The following ARHGAP44 variants were observed in gnomAD, a reference collection of about 807,000 sequenced individuals.
ARHGAP44 encodes the protein rho GTPase-activating protein 44.
In ARHGAP44, 43 loss-of-function variants were observed where a neutral mutation model predicts 106.8. The ratio of observed to expected loss-of-function variants is 0.40; its 90% CI spans 0.32 to 0.52. The LOEUF (loss-of-function observed/expected upper bound fraction) is 0.52. Among genes scored for constraint, ARHGAP44 ranks in the 20% least tolerant of loss-of-function variants. The pLI is 0.48. For missense variants in ARHGAP44, 866 were observed against 1,050.5 expected (o/e 0.82, Z 2.43); for synonymous variants, 439 against 410.3 (o/e 1.07, Z -0.85).
At chr17:12,908,279 C>G (rs1297636448) in intron 3 of ARHGAP44, among the ~76,000 whole-genome samples, 1 of 150,552 alleles carries the variant, frequency 6.6e-6, no homozygotes, top group Non-Finnish European at 1.5e-5. Context: ...TCACTGCAAC[C>G]TCTGCCTCCC....
intron 1 of ARHGAP44, among the ~76,000 whole-genome samples, chr17:12,815,129 ATT>A (rs111484599): frequency 2.0e-5 from 3 of 147,582 alleles, no homozygotes; most frequent in East Asian, 2.0e-4. Context: ...TGTTCTTTTG[ATT>A]TTTTTTTTTT....
intron 6 of ARHGAP44, among the ~76,000 whole-genome samples, chr17:12,926,493 ATATATGTATATATAT>A (rs1479872404): frequency 2.1e-5 from 3 of 142,890 alleles, no homozygotes; most frequent in East Asian, 4.2e-4. Context: ...TGTATGTATA[ATATATGTATATATAT>A]TATATATGCA....
At chr17:12,913,627 C>G (rs1392773316) in intron 4 of ARHGAP44, among the ~76,000 whole-genome samples, 2 of 130,386 alleles carry the variant, frequency 1.5e-5, no homozygotes, top group African/African-American at 5.1e-5. Flanking sequence ...TATAAGACAC[C>G]ATTAAGCTGG....
At chr17:12,930,309 C>G (rs1350290123) in intron 7 of ARHGAP44, among the ~76,000 whole-genome samples, 1 of 152,070 alleles carries the variant, frequency 6.6e-6, no homozygotes, top group Admixed American at 6.5e-5. Context: ...TCTTGGCTCA[C>G]CGCAACTTCC....
chr17:12,861,741 T>A (rs908958315), intron 1 of ARHGAP44, among the ~76,000 whole-genome samples: 2 of 146,322 alleles, frequency 1.4e-5, no homozygotes, highest in African/African-American at 5.0e-5. Flanking sequence ...TTCAAGCGAT[T>A]CTCCTGCCTC....
intron 1 of ARHGAP44, among the ~76,000 whole-genome samples, chr17:12,852,793 G>A (rs370900915): frequency 2.0e-5 from 3 of 151,856 alleles, no homozygotes; most frequent in East Asian, 3.9e-4. Flanking sequence ...CGCCCACCTC[G>A]GCTTCCCAAA....
chr17:12,789,837 C>T lies in ARHGAP44; in HGVS notation c.-2C>T. ...CCGGGCTAGCGCGGCAGCGGGGCCA[C>T]GATGAAGAAGCAGTTCAATCGCATG... On this transcript the variant is annotated 5_prime_UTR_variant, in exon 1 of 21. The change creates a new upstream start codon in the 5' untranslated region. Coordinates refer to ENST00000379672, the MANE Select transcript of ARHGAP44 (RefSeq NM_014859.6). 1.3e-6 allele frequency: 2 copies of T among 1,511,138 alleles called. No individual in the cohort carries two copies. Among genetic ancestry groups the T allele is most frequent in the Non-Finnish European group, 1.8e-6 (2 of 1,132,148 alleles). The allele number at this position is 1,511,138 out of a possible 1,614,324, so 93.6% of individuals were successfully genotyped here.
intron 8 of ARHGAP44, 70 bp downstream of exon 8, chr17:12,941,194 A>C (rs2038699992): frequency 7.0e-7 from 1 of 1,419,366 alleles, no homozygotes. Context: ...CATGGAATTA[A>C]GAGTCCCTTA....
chr17:12,978,906 C>T (rs1335046108), intron 18 of ARHGAP44, among the ~76,000 whole-genome samples: 1 of 152,162 alleles, frequency 6.6e-6, no homozygotes, highest in Non-Finnish European at 1.5e-5. Context: ...CCAGGCTGGT[C>T]TCAAACTCCT....
intron 20 of ARHGAP44, chr17:12,987,251 A>G: frequency 3.8e-6 from 4 of 1,060,022 alleles, no homozygotes; most frequent in Non-Finnish European, 4.0e-6. Flanking sequence ...GGCTCAGACC[A>G]TTTGCATGGC....
chr17:12,907,960 T>C (rs1051471674), intron 3 of ARHGAP44, among the ~76,000 whole-genome samples: 1 of 139,534 alleles, frequency 7.2e-6, no homozygotes, highest in Admixed American at 6.9e-5. Flanking sequence ...CCAATCCTTA[T>C]TTTTTTTTTG....
chr17:12,814,850 C>CA (rs1231281517), intron 1 of ARHGAP44, among the ~76,000 whole-genome samples: 1 of 152,090 alleles, frequency 6.6e-6, no homozygotes, highest in Non-Finnish European at 1.5e-5. Flanking sequence ...AAAAAAACCC[C>CA]AAAAAACCCC....
rs749393196 is a variant in ARHGAP44, at chr17:12,949,519, T to TA, written c.974-129dup. 1.2e-6 allele frequency: 1 copy of TA among 834,672 alleles called. No homozygotes were observed. The highest frequency in any genetic ancestry group is 1.9e-6 in the Non-Finnish European group (1 of 528,908). 51.7% of individuals were successfully genotyped at this position (834,672 alleles called of 1,614,324 possible). A position where few individuals can be genotyped will look rare whatever the true frequency, so the allele number is the denominator to read the frequency against. On this transcript the variant is annotated intron_variant, in intron 11 of 20. Transcript: ENST00000379672. The surrounding 1 kb of genome is among the most constrained non-coding windows in gnomAD (Gnocchi z 4.1). ...CCTCATACCCATTTCCATAGGAAGCTACCATTTGCTGTTGACATGGTGGTC... is the reference window on the plus strand; with the variant it reads ...CCTCATACCCATTTCCATAGGAAGCTAACCATTTGCTGTTGACATGGTGGTC...
chr17:12,933,875 G>T (rs576671038), intron 7 of ARHGAP44, among the ~76,000 whole-genome samples: 1 of 140,326 alleles, frequency 7.1e-6, no homozygotes, highest in Admixed American at 7.5e-5. Context: ...TTGAGACGGT[G>T]TCTGGCTCTG....
At chr17:12,869,827 C>T (rs1299565814) in intron 1 of ARHGAP44, among the ~76,000 whole-genome samples, 1 of 151,760 alleles carries the variant, frequency 6.6e-6, no homozygotes, top group African/African-American at 2.4e-5. Context: ...GTTTTATAGC[C>T]TGCCCTTTCA....
intron 18 of ARHGAP44, 29 bp from the exon 19 acceptor site, chr17:12,980,029 T>C (rs1445067745): frequency 2.7e-5 from 43 of 1,576,406 alleles, no homozygotes; most frequent in Admixed American, 2.0e-4. Flanking sequence ...TTCAGGGCTT[T>C]TCTTTTGTCT....
chr17:12,936,054 C>T (rs1024833957), intron 7 of ARHGAP44, among the ~76,000 whole-genome samples: 7 of 152,198 alleles, frequency 4.6e-5, no homozygotes, highest in Middle Eastern at 3.4e-3. Context: ...TTTTTTAGAG[C>T]ACTTCTAATT....
intron 1 of ARHGAP44, among the ~76,000 whole-genome samples, chr17:12,844,152 C>T (rs146033985): frequency 2.2e-3 from 335 of 149,116 alleles, no homozygotes; most frequent in African/African-American, 7.7e-3. Flanking sequence ...GCCGCTATGC[C>T]GTAGAGCTCA....
At chr17:12,858,387 T>C (rs190768366) in intron 1 of ARHGAP44, among the ~76,000 whole-genome samples, 3 of 152,204 alleles carry the variant, frequency 2.0e-5, no homozygotes, top group Non-Finnish European at 4.4e-5. Flanking sequence ...CTGGCTGCAG[T>C]TGTGACCACA....
Sources: allele counts gnomAD v4.1 joint callset (sites outside exome capture counted in the v4.1 genomes callset), GRCh38; gene constraint gnomAD v4.1.1; non-coding constraint Gnocchi (gnomAD v3.1); transcripts MANE v1.5; gene names NCBI Gene and HGNC (gene_info 2026-07-23, HGNC 2026-07-21).